Variants in GRIK1 observed in about 807,000 individuals in gnomAD.
GRIK1 encodes the protein glutamate ionotropic receptor kainate type subunit 1, also known as glutamate receptor ionotropic, kainate 1.
A neutral mutation model predicts 105.7 loss-of-function variants in GRIK1; 69 were observed. The ratio of observed to expected loss-of-function variants is 0.65; its 90% CI spans 0.54 to 0.80. The LOEUF (loss-of-function observed/expected upper bound fraction) is 0.80, where lower values mean the gene tolerates loss of function less well. Ranked by LOEUF, GRIK1 falls within the 30% of genes least tolerant of loss-of-function variation. GRIK1 has a pLI of 0.00. For missense variants in GRIK1, 1,109 were observed against 1,167.3 expected, an observed-to-expected ratio of 0.95 and a Z score of 0.73; for synonymous variants, 438 against 431.3, an observed-to-expected ratio of 1.02 and a Z score of -0.19.
At chr21:29,827,265 C>T (rs1473382331) in intron 1 of GRIK1, among the ~76,000 whole-genome samples, 1 of 152,012 alleles carries the variant, frequency 6.6e-6, no homozygotes, top group Non-Finnish European at 1.5e-5. Context: ...GTATTTTGAA[C>T]TCAGGCCCTA....
At chr21:29,792,011 T>C (rs1345411441) in intron 1 of GRIK1, among the ~76,000 whole-genome samples, 1 of 152,176 alleles carries the variant, frequency 6.6e-6, no homozygotes, top group Non-Finnish European at 1.5e-5. Flanking sequence ...GAATTTTTGA[T>C]AAAAAAGTGG....
intron 1 of GRIK1, among the ~76,000 whole-genome samples, chr21:29,745,420 A>G (rs1322670828): frequency 6.6e-6 from 1 of 152,234 alleles, no homozygotes; most frequent in Admixed American, 6.5e-5. Context: ...CTGTGAGATA[A>G]TAAATTTGTG....
intron 7 of GRIK1, among the ~76,000 whole-genome samples, chr21:29,626,421 C>T (rs1044159186): frequency 1.3e-5 from 2 of 152,092 alleles, no homozygotes; most frequent in Admixed American, 1.3e-4. Context: ...ATCGTAACAT[C>T]CAGGGTGAAC....
intron 1 of GRIK1, among the ~76,000 whole-genome samples, chr21:29,769,787 T>C (rs449803): frequency 0.81 from 123,214 of 152,048 alleles, 50,585 homozygotes; most frequent in Non-Finnish European, 0.88. Flanking sequence ...GATTCTCCCT[T>C]ACGGCCCTCA....
In GRIK1 at chr21:29,877,809, T is replaced by C. The variant is rs145134559; in HGVS notation, c.118+61574A>G. Among the ~76,000 whole-genome samples the C allele has an allele frequency of 7.3e-3, 1,107 of 152,290 alleles. 14 individuals are homozygous for C. The highest frequency in any genetic ancestry group is 0.024 in the African/African-American group (1,001 of 41,570). On this transcript the variant is annotated intron_variant, in intron 1 of 17. Coordinates refer to ENST00000327783, the MANE Select transcript of GRIK1 (RefSeq NM_001330994.2). The stretch of plus-strand genomic sequence containing the variant: ...TGTAAAAGTAGTGTAACTGAACACA[T>C]AGCACTTTGTACCTTTTGTGTATGT...
intron 3 of GRIK1, among the ~76,000 whole-genome samples, chr21:29,685,042 G>T (rs1309122450): frequency 6.6e-6 from 1 of 151,914 alleles, no homozygotes; most frequent in African/African-American, 2.4e-5. Context: ...CTGTCTGCCT[G>T]CCTGCCTGCC....
chr21:29,713,630 T>C (rs771583482), intron 1 of GRIK1, among the ~76,000 whole-genome samples: 2 of 152,190 alleles, frequency 1.3e-5, no homozygotes, highest in Non-Finnish European at 2.9e-5. Flanking sequence ...ACAAATTGAA[T>C]AGTAAATCTT....
intron 17 of GRIK1, 190 bp downstream of exon 17, chr21:29,537,608 T>C: frequency 1.5e-6 from 1 of 680,100 alleles, no homozygotes; most frequent in South Asian, 1.8e-5. Context: ...TGGGATTTCA[T>C]TCACAAATGC....
intron 1 of GRIK1, among the ~76,000 whole-genome samples, chr21:29,925,008 T>C: frequency 6.6e-6 from 1 of 152,202 alleles, no homozygotes; most frequent in East Asian, 1.9e-4. Flanking sequence ...CTAGATACTA[T>C]AAATTGAAGT....
chr21:29,641,776 C>T (rs543303280), intron 7 of GRIK1, among the ~76,000 whole-genome samples: 7 of 152,264 alleles, frequency 4.6e-5, no homozygotes, highest in East Asian at 3.9e-4. Context: ...TTATACATCC[C>T]GCCTGCTTTA....
intron 13 of GRIK1, among the ~76,000 whole-genome samples, chr21:29,581,037 A>G (rs151142817): frequency 7.2e-4 from 109 of 152,184 alleles, no homozygotes; most frequent in African/African-American, 2.5e-3. Flanking sequence ...AATTGGAAGA[A>G]TCTCAGTGAA....
intron 1 of GRIK1, among the ~76,000 whole-genome samples, chr21:29,868,941 T>C (rs1276723616): frequency 1.3e-5 from 2 of 152,170 alleles, no homozygotes; most frequent in African/African-American, 2.4e-5. Flanking sequence ...ATGGTTTCCA[T>C]GGTAAGTCCA....
chr21:29,927,185 TC>T (rs2071398695), intron 1 of GRIK1, among the ~76,000 whole-genome samples: 2 of 152,200 alleles, frequency 1.3e-5, no homozygotes, highest in Non-Finnish European at 2.9e-5. Flanking sequence ...ATGATTTGTC[TC>T]CAGGTAGAAT....
intron 2 of GRIK1, among the ~76,000 whole-genome samples, chr21:29,690,493 A>C (rs2063565238): frequency 6.6e-6 from 1 of 152,256 alleles, no homozygotes. Flanking sequence ...GGTAAATGAA[A>C]TACTGCTAAA....
At chr21:29,719,322 A>C (rs1490927163) in intron 1 of GRIK1, among the ~76,000 whole-genome samples, 1 of 151,912 alleles carries the variant, frequency 6.6e-6, no homozygotes, top group Admixed American at 6.6e-5. Flanking sequence ...GCTATCACCC[A>C]CCCAAGACTT....
rs569194396 is a variant in GRIK1 at position 29,644,713 on chromosome 21, C to T, written c.955-1744G>A. 2.0e-5 allele frequency among the ~76,000 whole-genome samples: 3 copies of T among 152,310 alleles called. No homozygotes were observed. The South Asian group carries it at 6.2e-4, about 32-fold the overall frequency. On this transcript the variant is annotated intron_variant, in intron 6 of 17. Transcript: ENST00000327783. ...TGCCAGGGTTTGAGCCTGCACCTGC[C>T]TGATTCTAGCACCCATGATCTTTAC...
At chr21:29,792,374 T>G (rs952206415) in intron 1 of GRIK1, among the ~76,000 whole-genome samples, 1 of 152,178 alleles carries the variant, frequency 6.6e-6, no homozygotes, top group African/African-American at 2.4e-5. Context: ...TACCATTATT[T>G]GAAATGTCTT....
intron 3 of GRIK1, among the ~76,000 whole-genome samples, chr21:29,683,418 TAC>T (rs1568970838): frequency 6.6e-6 from 1 of 152,194 alleles, no homozygotes; most frequent in African/African-American, 2.4e-5. Context: ...ATATGGTACA[TAC>T]ACACCACAGA....
chr21:29,848,770 TATATATATA>T (rs1569156971), intron 1 of GRIK1, among the ~76,000 whole-genome samples: 5 of 99,424 alleles, frequency 5.0e-5, no homozygotes, highest in Non-Finnish European at 7.3e-5. Flanking sequence ...TATATATATA[TATATATATA>T]TTTTTTTTTT....
Sources: gnomAD v4.1 joint callset for allele counts (sites outside exome capture counted in the v4.1 genomes callset) on GRCh38, gnomAD v4.1.1 for gene constraint, MANE v1.5 for transcripts, NCBI Gene and HGNC (gene_info 2026-07-23, HGNC 2026-07-21) for gene names.